The following ZC3H4 variants were observed in gnomAD, a reference collection of about 807,000 sequenced individuals.
The protein encoded by ZC3H4 is zinc finger CCCH-type containing 4.
Under a neutral mutation model 108.3 loss-of-function variants are expected in ZC3H4, and 13 were observed. That is an observed-to-expected ratio of 0.12 (90% CI 0.08 to 0.19). ZC3H4 has a LOEUF of 0.19. ZC3H4 is among the 10% of genes least tolerant of loss of function. The pLI, the probability that ZC3H4 is intolerant of heterozygous loss-of-function variation, is 1.00. For synonymous variants in ZC3H4, 917 were observed against 749.6 expected, an observed-to-expected ratio of 1.22 and a Z score of -3.65; for missense variants, 1,734 against 1,838.8, an observed-to-expected ratio of 0.94 and a Z score of 1.04.
At position 47,066,083 on chromosome 19, in the gene ZC3H4, A is replaced by C. The variant is rs961190806; in HGVS notation, c.*273T>G. ...CAGAGTCTGAGGCCAGGCACTGGCGAAAGTTCACAGGTTTGCGGGCATGAG... is the reference window on the plus strand; with the variant it reads ...CAGAGTCTGAGGCCAGGCACTGGCGCAAGTTCACAGGTTTGCGGGCATGAG... On this transcript the variant is annotated 3_prime_UTR_variant, in exon 15 of 15. Transcript: ENST00000253048. 43 of 323,368 alleles carry C rather than the reference A, an allele frequency of 1.3e-4. No homozygotes were observed. Among genetic ancestry groups the C allele is most frequent in the Admixed American group, 2.7e-4 (6 of 22,264 alleles). 20.0% of individuals were successfully genotyped at this position (323,368 alleles called of 1,614,324 possible). A position where few individuals can be genotyped will look rare whatever the true frequency, so the allele number is the denominator to read the frequency against.
chr19:47,079,092 C>A (rs554356047), intron 11 of ZC3H4, among the ~76,000 whole-genome samples: 1 of 148,966 alleles, frequency 6.7e-6, no homozygotes, highest in Non-Finnish European at 1.5e-5. Context: ...TGCAATGGCA[C>A]GATCTCAGCT....
In ZC3H4 at chr19:47,067,774, G is replaced by A. The variant is rs1315354588; in HGVS notation, c.2494C>T (p.Pro832Ser). 1.2e-6 allele frequency: 2 copies of A among 1,609,590 alleles called. No individual in the cohort carries two copies. The highest frequency in any genetic ancestry group is 1.3e-5 in the African/African-American group (1 of 75,014). ...CTCAGCTCCCCAACTGAAGCCGGGG[G>A]TCGGCTGGACGTCTGCTGCCTCAAG... The part of the protein sequence containing the change: ...KTLRQQTSSR[P>S]PASVGELSSS... The change falls in exon 15 of 15, where the codon CCC becomes TCC. Residue 832 changes from proline to serine, a missense_variant. Coordinates refer to ENST00000253048, the MANE Select transcript of ZC3H4 (RefSeq NM_015168.2). The surrounding 1 kb of genome is among the most constrained non-coding windows in gnomAD (Gnocchi z 6.4).
chr19:47,072,299 G>C lies in ZC3H4; in HGVS notation c.1802+53C>G. On this transcript the variant is annotated intron_variant, in intron 12 of 14. Coordinates refer to ENST00000253048, the MANE Select transcript of ZC3H4 (RefSeq NM_015168.2). This position sits in a 1 kb window ranked among gnomAD's most constrained non-coding sequence, Gnocchi z 5.6. ...AGGCTTGCCCTAACAAGAGGAGCCT[G>C]GCTGGGCCCAGGACAGCGCCCACTG... The C allele has an allele frequency of 6.4e-7, 1 of 1,563,088 alleles. No homozygotes were observed. Among genetic ancestry groups the C allele is most frequent in the Non-Finnish European group, 8.7e-7 (1 of 1,148,204 alleles).
At chr19:47,086,630 A>C in intron 5 of ZC3H4, 92 bp from the exon 6 acceptor site, 1 of 1,452,838 alleles carries the variant, frequency 6.9e-7, no homozygotes, top group Non-Finnish European at 9.0e-7. Flanking sequence ...GAGGTCAATC[A>C]CTTCAGCTGC....
At position 47,085,178 on chromosome 19, in the gene ZC3H4, C is replaced by T. The variant is rs1394131144; in HGVS notation, c.985G>A (p.Gly329Ser). The change falls in exon 8 of 15, where the codon GGC becomes AGC. Residue 329 changes from glycine to serine, a missense_variant. Gly to Ser is a moderately conservative substitution (Grantham distance 56, BLOSUM62 0). Transcript: ENST00000253048. ...SRGRGLSRGR[G>S]RGSRGRGKGM... is the part of the protein sequence containing the mutation. ...TTCCCTCGACCTCGGGAGCCCCTGCCACGGCCTCGACTTAGCCCTGTGGAG... is the reference window on the plus strand; with the variant it reads ...TTCCCTCGACCTCGGGAGCCCCTGCTACGGCCTCGACTTAGCCCTGTGGAG... The T allele has an allele frequency of 6.2e-7, 1 of 1,613,524 alleles. No individual in the cohort carries two copies. Among genetic ancestry groups the T allele is most frequent in the African/African-American group, 1.3e-5 (1 of 74,766 alleles).
Position 47,067,897 on chromosome 19 carries a change from G to C in ZC3H4, c.2399-28C>G. ...GGGAAAGAACAGAGGAGCAGGGAGG[G>C]GTGAGTGGGCGCATCCACCACCCGC... On this transcript the variant is annotated intron_variant, in intron 14 of 14. Coordinates refer to ENST00000253048, the MANE Select transcript of ZC3H4 (RefSeq NM_015168.2). This position sits in a 1 kb window ranked among gnomAD's most constrained non-coding sequence, Gnocchi z 6.4. The C allele has an allele frequency of 1.9e-6, 3 of 1,556,228 alleles. No individual in the cohort carries two copies. Among genetic ancestry groups the C allele is most frequent in the African/African-American group, 1.4e-5 (1 of 73,812 alleles).
At chr19:47,068,271 G>A (rs1227370895) in intron 14 of ZC3H4, among the ~76,000 whole-genome samples, 2 of 152,178 alleles carry the variant, frequency 1.3e-5, no homozygotes, top group African/African-American at 2.4e-5. Context: ...GCCCACCTCC[G>A]GGCTGGTTCA....
intron 2 of ZC3H4, among the ~76,000 whole-genome samples, chr19:47,101,103 A>G (rs2057898105): frequency 6.6e-6 from 1 of 151,984 alleles, no homozygotes; most frequent in African/African-American, 2.4e-5. Context: ...GCATTTTGGG[A>G]GGCCAACAGG....
chr19:47,093,484 C>T (rs2057771678), intron 4 of ZC3H4, among the ~76,000 whole-genome samples: 1 of 152,150 alleles, frequency 6.6e-6, no homozygotes, highest in Non-Finnish European at 1.5e-5. Flanking sequence ...CAGGGCCTTG[C>T]TAAGGCCGCA....
intron 2 of ZC3H4, among the ~76,000 whole-genome samples, chr19:47,095,216 C>T (rs180843412): frequency 4.7e-4 from 72 of 152,314 alleles, no homozygotes; most frequent in Non-Finnish European, 7.9e-4. Flanking sequence ...TGGTTCTGAA[C>T]CAGGGGTGGC....
intron 11 of ZC3H4, among the ~76,000 whole-genome samples, chr19:47,078,131 T>A (rs1021177827): frequency 6.6e-6 from 1 of 152,198 alleles, no homozygotes; most frequent in Non-Finnish European, 1.5e-5. Context: ...CCGTTGAAAC[T>A]ACATACAAAA....
At chr19:47,097,648 G>A (rs1163944043) in intron 2 of ZC3H4, among the ~76,000 whole-genome samples, 1 of 152,188 alleles carries the variant, frequency 6.6e-6, no homozygotes, top group Non-Finnish European at 1.5e-5. Flanking sequence ...CAGCAACCAG[G>A]TTTCAGCGAT....
chr19:47,112,261 C>T, intron 2 of ZC3H4, 163 bp downstream of exon 2: 1 of 1,140,882 alleles, frequency 8.8e-7, no homozygotes, highest in Non-Finnish European at 1.1e-6. Flanking sequence ...CGAGAAAGAG[C>T]GAGCGAGCAA....
intron 2 of ZC3H4, among the ~76,000 whole-genome samples, chr19:47,108,984 T>C (rs1361803948): frequency 1.3e-5 from 2 of 152,202 alleles, no homozygotes; most frequent in African/African-American, 4.8e-5. Flanking sequence ...CTAGGAGACT[T>C]TGATTTGCTT....
chr19:47,112,331 C>G, intron 2 of ZC3H4, 93 bp downstream of exon 2: 1 of 1,195,924 alleles, frequency 8.4e-7, no homozygotes, highest in South Asian at 4.2e-5. Context: ...TCCTCCTCCT[C>G]CGCGGCCCGG....
rs1485491855 is a variant in ZC3H4 at position 47,094,638 on chromosome 19, C to T, written c.162-30G>A. 4 of 1,611,620 alleles carry T rather than the reference C, an allele frequency of 2.5e-6. No homozygotes were observed. In the East Asian group the frequency reaches 8.9e-5, roughly 36 times the overall value. The stretch of plus-strand genomic sequence containing the variant: ...AAACAAACCCCAATCCCACCATGAA[C>T]ACAGGGTTTGAGAGGAGACCTCCTA... On this transcript the variant is annotated intron_variant, in intron 2 of 14. Coordinates refer to ENST00000253048, the MANE Select transcript of ZC3H4 (RefSeq NM_015168.2).
rs748859614 is a variant in ZC3H4, at chr19:47,067,191, C to T, written c.3077G>A (p.Arg1026His). ...ATAGPPNARQ[R>H]PGASTDSSTQ... Reference sequence around the variant, plus strand: ...GCTGGAATCCGTGGAGGCGCCCGGGCGCTGCCGGGCGTTGGGGGGCCCTGC... The same window carrying T: ...GCTGGAATCCGTGGAGGCGCCCGGGTGCTGCCGGGCGTTGGGGGGCCCTGC... The change falls in exon 15 of 15, where the codon CGC becomes CAC. Residue 1026 changes from arginine (R) to histidine (H), a missense_variant. Arg to His is a conservative substitution (Grantham distance 29). Coordinates refer to ENST00000253048, the MANE Select transcript of ZC3H4 (RefSeq NM_015168.2). This position sits in a 1 kb window ranked among gnomAD's most constrained non-coding sequence, Gnocchi z 6.4. 1.4e-5 allele frequency: 22 copies of T among 1,610,422 alleles called. No homozygotes were observed. The highest frequency in any genetic ancestry group is 1.7e-5 in the Admixed American group (1 of 59,642).
intron 11 of ZC3H4, among the ~76,000 whole-genome samples, chr19:47,081,196 T>C (rs2057515867): frequency 6.6e-6 from 1 of 152,198 alleles, no homozygotes; most frequent in Non-Finnish European, 1.5e-5. Flanking sequence ...TGTATCTTTG[T>C]GTATTGTGAG....
Position 47,066,055 on chromosome 19 carries a change from C to T in ZC3H4, c.*301G>A. The T allele has an allele frequency of 3.6e-6, 1 of 275,220 alleles. No individual in the cohort carries two copies. 17.0% of individuals were successfully genotyped at this position (275,220 alleles called of 1,614,324 possible). A position where few individuals can be genotyped will look rare whatever the true frequency, so the allele number is the denominator to read the frequency against. On this transcript the variant is annotated 3_prime_UTR_variant, in exon 15 of 15. Coordinates refer to ENST00000253048, the MANE Select transcript of ZC3H4 (RefSeq NM_015168.2). ...CCAGCAAGGCCCGGCCACGCAGAGC[C>T]CACAGAGTCTGAGGCCAGGCACTGG...
Sources: gnomAD v4.1 joint callset for allele counts (sites outside exome capture counted in the v4.1 genomes callset) on GRCh38, gnomAD v4.1.1 for gene constraint, Gnocchi (gnomAD v3.1) non-coding constraint, MANE v1.5 for transcripts, NCBI Gene and HGNC (gene_info 2026-07-23, HGNC 2026-07-21) for gene names.